Variants in CPNE8 observed in about 807,000 individuals in gnomAD.
The protein encoded by CPNE8 is copine 8, also known as copine-8.
Under a neutral mutation model 81.5 loss-of-function variants are expected in CPNE8, and 45 were observed. The ratio of observed to expected loss-of-function variants is 0.55; its 90% CI spans 0.44 to 0.71. The LOEUF is 0.71. Among genes scored for constraint, CPNE8 ranks in the 30% least tolerant of loss-of-function variants. The pLI is 0.00. For synonymous variants in CPNE8, 252 were observed against 226.3 expected (o/e 1.11, Z -1.02); for missense variants, 594 against 672.1 (o/e 0.88, Z 1.28).
chr12:38,704,864 T>TATATATATATATATATATA (rs1940064957), intron 13 of CPNE8, among the ~76,000 whole-genome samples: 2 of 73,836 alleles, frequency 2.7e-5, no homozygotes, highest in African/African-American at 1.1e-4. Flanking sequence ...ATATATATAT[T>TATATATATATATATATATA]TAAATTTCGG....
intron 10 of CPNE8, among the ~76,000 whole-genome samples, chr12:38,747,626 G>C (rs1592058037): frequency 6.6e-6 from 1 of 151,972 alleles, no homozygotes; most frequent in Admixed American, 6.6e-5. Context: ...ACTGTATAAA[G>C]CTGCACTGTT....
At chr12:38,802,943 C>G (rs1478121385) in intron 6 of CPNE8, among the ~76,000 whole-genome samples, 2 of 148,060 alleles carry the variant, frequency 1.4e-5, no homozygotes, top group Non-Finnish European at 3.0e-5. Context: ...TACAGTCTCC[C>G]AAGACTAAAC....
At chr12:38,797,415 G>C (rs12949503) in intron 6 of CPNE8, among the ~76,000 whole-genome samples, 3 of 152,106 alleles carry the variant, frequency 2.0e-5, no homozygotes, top group Non-Finnish European at 4.4e-5. Flanking sequence ...CTGCAGACAC[G>C]GCTGCGGATA....
At chr12:38,671,631 T>G (rs1005707250) in intron 18 of CPNE8, among the ~76,000 whole-genome samples, 4 of 152,166 alleles carry the variant, frequency 2.6e-5, no homozygotes, top group African/African-American at 9.7e-5. Context: ...TGTATACACA[T>G]GACATTCACC....
intron 12 of CPNE8, 132 bp from the exon 13 acceptor site, chr12:38,723,965 T>C: frequency 1.8e-6 from 1 of 567,232 alleles, no homozygotes; most frequent in Non-Finnish European, 3.1e-6. Flanking sequence ...TATTAACATC[T>C]GCTAGGACTG....
At position 38,762,101 on chromosome 12, in the gene CPNE8, A is replaced by G. The variant is rs1234778187; in HGVS notation, c.680+11T>C. The G allele has an allele frequency of 1.5e-6, 2 of 1,304,400 alleles. No homozygotes were observed. The highest frequency in any genetic ancestry group is 2.5e-5 in the Admixed American group (1 of 39,896). The allele number at this position is 1,304,400 out of a possible 1,614,324, so 80.8% of individuals were successfully genotyped here. A position where few individuals can be genotyped will look rare whatever the true frequency, so the allele number is the denominator to read the frequency against. The stretch of plus-strand genomic sequence containing the variant: ...TTATTTGAAGATTTTTGAATAAACT[A>G]TCCTTCTTACCTGTCATAGTCTCCA... On this transcript the variant is annotated intron_variant, in intron 9 of 19. Transcript: ENST00000331366.
At chr12:38,777,483 T>TATTTAAATAG (rs1456862755) in intron 6 of CPNE8, among the ~76,000 whole-genome samples, 1 of 152,148 alleles carries the variant, frequency 6.6e-6, no homozygotes, top group Non-Finnish European at 1.5e-5. Flanking sequence ...TTTAAATAAA[T>TATTTAAATAG]TTAGTGTAGC....
At chr12:38,659,362 T>G (rs1938898646) in intron 19 of CPNE8, among the ~76,000 whole-genome samples, 1 of 152,160 alleles carries the variant, frequency 6.6e-6, no homozygotes, top group Non-Finnish European at 1.5e-5. Context: ...ATCCTAAATA[T>G]ATATGCACCC....
chr12:38,859,706 T>A (rs1943800999), intron 3 of CPNE8, among the ~76,000 whole-genome samples: 1 of 152,150 alleles, frequency 6.6e-6, no homozygotes, highest in African/African-American at 2.4e-5. Context: ...AATACCATAG[T>A]ACTGATAACA....
intron 1 of CPNE8, among the ~76,000 whole-genome samples, chr12:38,899,052 T>C (rs1944424939): frequency 6.6e-6 from 1 of 152,200 alleles, no homozygotes. Context: ...ACAACTTTTA[T>C]GGATTATAAA....
chr12:38,694,924 GTTAT>G (rs1246416394), intron 14 of CPNE8, among the ~76,000 whole-genome samples: 1 of 152,146 alleles, frequency 6.6e-6, no homozygotes, highest in Non-Finnish European at 1.5e-5. Context: ...CTCCCCTTGG[GTTAT>G]TTGACAGGTA....
chr12:38,712,929 C>T (rs826838), intron 13 of CPNE8, among the ~76,000 whole-genome samples: 78,562 of 151,924 alleles, frequency 0.52, 21,428 homozygotes, highest in East Asian at 0.81. Context: ...GACAACAATA[C>T]GATGAGCTTA....
intron 18 of CPNE8, among the ~76,000 whole-genome samples, chr12:38,674,805 A>T (rs906121483): frequency 2.0e-5 from 3 of 152,204 alleles, no homozygotes; most frequent in African/African-American, 7.2e-5. Flanking sequence ...TGGTTAAATA[A>T]GAATCACCTC....
chr12:38,764,706 A>G (rs1941649833), intron 8 of CPNE8, among the ~76,000 whole-genome samples: 1 of 152,134 alleles, frequency 6.6e-6, no homozygotes. Context: ...TTCAGAAACA[A>G]TATATTCATT....
At chr12:38,702,736 A>T (rs2136690750) in intron 14 of CPNE8, 139 bp downstream of exon 14, 1 of 475,778 alleles carries the variant, frequency 2.1e-6, no homozygotes. Context: ...ATTAAAAAGA[A>T]AGAAAAAATT....
chr12:38,799,995 C>G (rs1324636477), intron 6 of CPNE8, among the ~76,000 whole-genome samples: 1 of 145,710 alleles, frequency 6.9e-6, no homozygotes, highest in Non-Finnish European at 1.5e-5. Context: ...ACACCTGGCT[C>G]AGAGGGTCCT....
chr12:38,748,818 A>G (rs981792892), intron 10 of CPNE8, among the ~76,000 whole-genome samples: 2 of 152,168 alleles, frequency 1.3e-5, no homozygotes, highest in African/African-American at 4.8e-5. Flanking sequence ...CCCATTTATA[A>G]TACCTTAAAA....
chr12:38,674,064 A>G (rs960601313), intron 18 of CPNE8, among the ~76,000 whole-genome samples: 1 of 152,158 alleles, frequency 6.6e-6, no homozygotes, highest in African/African-American at 2.4e-5. Flanking sequence ...CAGTTAGTTC[A>G]GGACCTCACA....
intron 6 of CPNE8, among the ~76,000 whole-genome samples, chr12:38,819,144 C>A (rs1943074092): frequency 1.3e-5 from 2 of 152,134 alleles, no homozygotes; most frequent in Non-Finnish European, 2.9e-5. Context: ...TTAATTAGAT[C>A]CCATTTGTCA....
Sources: allele counts gnomAD v4.1 joint callset (sites outside exome capture counted in the v4.1 genomes callset), GRCh38; gene constraint gnomAD v4.1.1; transcripts MANE v1.5; gene names NCBI Gene and HGNC (gene_info 2026-07-23, HGNC 2026-07-21).